ATP7A: variants seen among roughly 807,000 people sequenced by gnomAD.
ATP7A encodes ATPase copper transporting alpha.
ATP7A carries 7 observed loss-of-function variants against 83.5 expected under a neutral mutation model. The ratio of observed to expected loss-of-function variants is 0.08; its 90% confidence interval spans 0.05 to 0.16. ATP7A has a LOEUF of 0.16. ATP7A is among the 10% of genes least tolerant of loss of function. The probability of loss-of-function intolerance (pLI) is 1.00; values close to 1 mark genes in which losing one functional copy is unlikely to be tolerated. For missense variants in ATP7A, 940 were observed against 1,120.8 expected, an observed-to-expected ratio of 0.84 and a Z score of 2.30; for synonymous variants, 354 against 395.2, an observed-to-expected ratio of 0.90 and a Z score of 1.24.
intron 14 of ATP7A, among the ~76,000 whole-genome samples, chrX:78,024,107 G>A (rs1300484248): frequency 9.0e-6 from 1 of 111,414 alleles, no homozygotes; most frequent in Non-Finnish European, 1.9e-5. Flanking sequence ...GTTGGTTGTA[G>A]GTGTGGGCTT....
At chrX:78,046,230 C>T (rs1477257323) in intron 22 of ATP7A, 64 bp from the exon 23 acceptor site, 3 of 1,135,445 alleles carry the variant, frequency 2.6e-6, no homozygotes, top group Non-Finnish European at 2.4e-6. Context: ...TTCTTTTCTG[C>T]ATGTAGCGAG....
intron 1 of ATP7A, among the ~76,000 whole-genome samples, chrX:77,929,309 T>C (rs1271916433): frequency 1.8e-5 from 2 of 111,749 alleles, no homozygotes; most frequent in Non-Finnish European, 3.8e-5. Flanking sequence ...GCTGCTGCCA[T>C]GTACCCAAAG....
intron 1 of ATP7A, among the ~76,000 whole-genome samples, chrX:77,934,146 G>T (rs894042535): frequency 8.9e-6 from 1 of 111,880 alleles, no homozygotes; most frequent in Non-Finnish European, 1.9e-5. Context: ...AGGCGTGATG[G>T]CTCATGTCTG....
At chrX:77,980,078 T>C (rs989397607) in intron 2 of ATP7A, among the ~76,000 whole-genome samples, 2 of 112,431 alleles carry the variant, frequency 1.8e-5, no homozygotes, top group African/African-American at 3.2e-5. Context: ...TACTGAATGA[T>C]TCCAAAGGTT....
intron 1 of ATP7A, among the ~76,000 whole-genome samples, chrX:77,921,678 G>A (rs2077216100): frequency 9.0e-6 from 1 of 111,718 alleles, no homozygotes. Context: ...CCAGGCGGAT[G>A]GATCACTTGA....
At chrX:77,941,106 T>G (rs2077349088) in intron 1 of ATP7A, among the ~76,000 whole-genome samples, 1 of 111,744 alleles carries the variant, frequency 8.9e-6, no homozygotes, top group African/African-American at 3.2e-5. Context: ...TTTGGAACTA[T>G]TTATCAAAGT....
chrX:77,987,244 A>G (rs1226264023), intron 2 of ATP7A, among the ~76,000 whole-genome samples: 1 of 111,764 alleles, frequency 8.9e-6, no homozygotes, highest in Non-Finnish European at 1.9e-5. Context: ...AATAAATATT[A>G]GTTGCTCAAT....
In ATP7A at chrX:78,046,456, T is replaced by C. The variant is rs371939448; in HGVS notation, c.4389T>C (p.Ser1463=). The C allele has an allele frequency of 4.2e-4, 504 of 1,209,461 alleles. No homozygotes were observed. Among genetic ancestry groups the C allele is most frequent in the Non-Finnish European group, 5.2e-4 (463 of 895,005 alleles). The change falls in exon 23 of 23, where the codon TCT becomes TCC. Residue 1463 remains serine (S), a synonymous_variant. Transcript: ENST00000341514. ...LDRIVNYSRA[S]INSLLSDKRS... ...GGATTGTTAATTATAGCAGAGCCTCTATAAACTCACTACTGTCTGATAAAC... is the reference window on the plus strand; with the variant it reads ...GGATTGTTAATTATAGCAGAGCCTCCATAAACTCACTACTGTCTGATAAAC...
chrX:77,956,787 C>CTT lies in ATP7A; in HGVS notation c.-21-14833_-21-14832insTT, dbSNP rs782692681. Among the ~76,000 whole-genome samples the CTT allele has an allele frequency of 5.2e-4, 28 of 53,736 alleles. No homozygotes were observed. In the East Asian group the frequency reaches 8.0e-3, roughly 15 times the overall value. 46.7% of individuals were successfully genotyped at this position (53,736 alleles called of 115,157 possible). ...TCTTTCTTTCTTTCTTTCTTTCTTT[C>CTT]TCTTTCTTTCTTTTTTTTTTTTTTA... On this transcript the variant is annotated intron_variant, in intron 1 of 22. Coordinates refer to ENST00000341514, the MANE Select transcript of ATP7A (RefSeq NM_000052.7).
chrX:78,028,554 G>C (rs1569550134), intron 14 of ATP7A, among the ~76,000 whole-genome samples: 1 of 111,436 alleles, frequency 9.0e-6, no homozygotes, highest in Non-Finnish European at 1.9e-5. Flanking sequence ...GCCCAGGGTG[G>C]TCTCAAACTC....
At chrX:77,945,093 T>G (rs1157573563) in intron 1 of ATP7A, among the ~76,000 whole-genome samples, 1 of 111,348 alleles carries the variant, frequency 9.0e-6, no homozygotes, top group African/African-American at 3.3e-5. Context: ...TCAGGTGATC[T>G]GCCTGCCTCA....
chrX:78,023,786 A>T (rs1156845371), intron 14 of ATP7A, among the ~76,000 whole-genome samples: 1 of 111,487 alleles, frequency 9.0e-6, no homozygotes, highest in Non-Finnish European at 1.9e-5. Flanking sequence ...TGTTGTGCAG[A>T]AGCTCTTTCG....
intron 19 of ATP7A, among the ~76,000 whole-genome samples, chrX:78,041,715 T>C (rs2149111112): frequency 8.9e-6 from 1 of 112,122 alleles, no homozygotes; most frequent in East Asian, 2.8e-4. Context: ...AGAGTACATA[T>C]ACAGTATAAT....
intron 1 of ATP7A, chrX:77,923,337 T>G (rs1207790698): frequency 9.0e-6 from 1 of 111,535 alleles, no homozygotes; most frequent in Non-Finnish European, 1.9e-5. Context: ...TTGGCAATTT[T>G]GGCTCTCCAT....
chrX:78,020,873 C>T, intron 13 of ATP7A, 72 bp from the exon 14 acceptor site: 6 of 1,040,915 alleles, frequency 5.8e-6, no homozygotes, highest in Middle Eastern at 2.9e-4. Context: ...ACTAAATATA[C>T]TCTGCATTCA....
intron 2 of ATP7A, among the ~76,000 whole-genome samples, chrX:77,984,860 T>C (rs952830983): frequency 7.1e-5 from 8 of 112,103 alleles, no homozygotes; most frequent in African/African-American, 2.6e-4. Flanking sequence ...AAAACAGAAA[T>C]AGAATTTACT....
At chrX:78,012,605 A>C (rs1267015191) in intron 9 of ATP7A, among the ~76,000 whole-genome samples, 5 of 109,034 alleles carry the variant, frequency 4.6e-5, no homozygotes, top group African/African-American at 1.3e-4. Context: ...AAAAAAAAAA[A>C]AAAAAGGAAG....
At chrX:77,929,636 C>CT (rs782018510) in intron 1 of ATP7A, among the ~76,000 whole-genome samples, 5,029 of 96,340 alleles carry the variant, frequency 0.052, 376 homozygotes, top group African/African-American at 0.18. Context: ...TTTTCTTTTT[C>CT]TTTTTTTTTT....
chrX:77,931,926 G>A (rs1318008937), intron 1 of ATP7A, among the ~76,000 whole-genome samples: 1 of 98,451 alleles, frequency 1.0e-5, no homozygotes, highest in African/African-American at 3.8e-5. Context: ...CTCCCGGACC[G>A]GGCGGCTGGC....
Sources: gnomAD v4.1 joint callset for allele counts (sites outside exome capture counted in the v4.1 genomes callset) on GRCh38, gnomAD v4.1.1 for gene constraint, MANE v1.5 for transcripts, NCBI Gene and HGNC (gene_info 2026-07-23, HGNC 2026-07-21) for gene names.